The following PDE3B variants were observed in gnomAD, a reference collection of about 807,000 sequenced individuals.
The protein encoded by PDE3B is cGMP-inhibited 3',5'-cyclic phosphodiesterase 3B.
In PDE3B, 66 loss-of-function variants were observed where a neutral mutation model predicts 116.8. The observed-to-expected ratio is 0.56, with a 90% CI of 0.46 to 0.69. The LOEUF (loss-of-function observed/expected upper bound fraction) is 0.69, where lower values mean the gene tolerates loss of function less well. Ranked by LOEUF, PDE3B falls within the 30% of genes least tolerant of loss-of-function variation. The pLI is 0.00. For missense variants in PDE3B, 1,384 were observed against 1,368.1 expected, an observed-to-expected ratio of 1.01 and a Z score of -0.18; for synonymous variants, 595 against 533.6, an observed-to-expected ratio of 1.12 and a Z score of -1.59.
At chr11:14,751,145 G>T (rs1399012493) in intron 1 of PDE3B, among the ~76,000 whole-genome samples, 2 of 152,086 alleles carry the variant, frequency 1.3e-5, no homozygotes, top group East Asian at 3.9e-4. Context: ...TATGCAAGCT[G>T]CCTGGCACTG....
At chr11:14,751,443 C>T (rs1261422339) in intron 1 of PDE3B, among the ~76,000 whole-genome samples, 1 of 152,188 alleles carries the variant, frequency 6.6e-6, no homozygotes, top group Non-Finnish European at 1.5e-5. Flanking sequence ...GAAATTGTCA[C>T]TCATTTTTCT....
At chr11:14,849,617 C>T (rs200222388) in intron 12 of PDE3B, among the ~76,000 whole-genome samples, 3 of 152,180 alleles carry the variant, frequency 2.0e-5, no homozygotes, top group African/African-American at 7.2e-5. Flanking sequence ...CCAGAATCTA[C>T]AATGAACTCA....
intron 1 of PDE3B, among the ~76,000 whole-genome samples, chr11:14,755,819 C>G (rs1857166731): frequency 6.6e-6 from 1 of 152,106 alleles, no homozygotes; most frequent in Non-Finnish European, 1.5e-5. Context: ...GCATTAAAGT[C>G]TAAAATATTT....
chr11:14,797,023 C>G (rs1407864823), intron 4 of PDE3B, among the ~76,000 whole-genome samples: 1 of 152,140 alleles, frequency 6.6e-6, no homozygotes, highest in African/African-American at 2.4e-5. Flanking sequence ...TTTAATCCAT[C>G]TTCAGTTAAT....
the PDE3B span, chr11:14,879,199 T>C: frequency 6.2e-7 from 1 of 1,613,256 alleles, no homozygotes; most frequent in Non-Finnish European, 8.5e-7. Context: ...CTTCTGGGTC[T>C]CTCCAGTACT....
At chr11:14,772,763 A>G (rs1467410105) in intron 2 of PDE3B, 1 of 151,358 alleles carries the variant, frequency 6.6e-6, no homozygotes, top group East Asian at 1.9e-4. Flanking sequence ...AAAAAAGGAA[A>G]ATCACTCATA....
chr11:14,745,325 A>T (rs1395632091), intron 1 of PDE3B, among the ~76,000 whole-genome samples: 1 of 152,220 alleles, frequency 6.6e-6, no homozygotes, highest in Non-Finnish European at 1.5e-5. Flanking sequence ...GTATCTGGAT[A>T]ATCACTTATT....
intron 1 of PDE3B, among the ~76,000 whole-genome samples, chr11:14,725,307 TTC>T (rs760849298): frequency 1.7e-4 from 19 of 111,586 alleles, no homozygotes; most frequent in African/African-American, 3.1e-4. Flanking sequence ...CTTTCTTTCT[TTC>T]TCTTTCTTTC....
At chr11:14,704,941 A>T (rs574969760) in intron 1 of PDE3B, among the ~76,000 whole-genome samples, 1 of 151,810 alleles carries the variant, frequency 6.6e-6, no homozygotes, top group South Asian at 2.1e-4. Context: ...AACATAGGAA[A>T]AATATTTATA....
chr11:14,879,010 G>T, the PDE3B span: 1 of 909,214 alleles, frequency 1.1e-6, no homozygotes, highest in Non-Finnish European at 1.8e-6. Flanking sequence ...TTTTAGAATT[G>T]GGATATTTAA....
intron 4 of PDE3B, among the ~76,000 whole-genome samples, chr11:14,794,458 C>G (rs931544133): frequency 2.6e-5 from 4 of 151,990 alleles, no homozygotes; most frequent in Non-Finnish European, 4.4e-5. Context: ...GGACTACAGG[C>G]ACATGCCACC....
At chr11:14,800,280 C>T (rs772033858) in intron 4 of PDE3B, among the ~76,000 whole-genome samples, 15 of 152,140 alleles carry the variant, frequency 9.9e-5, no homozygotes, top group Non-Finnish European at 1.5e-4. Context: ...GCCTGACCAA[C>T]GTGGTGAAAC....
the PDE3B span, among the ~76,000 whole-genome samples, chr11:14,897,064 A>G: frequency 2.0e-5 from 3 of 152,234 alleles, no homozygotes; most frequent in Non-Finnish European, 4.4e-5. Context: ...ACACATCTCA[A>G]AGTCTGAGAG....
At chr11:14,796,577 G>A (rs1044381705) in intron 4 of PDE3B, among the ~76,000 whole-genome samples, 2 of 152,172 alleles carry the variant, frequency 1.3e-5, no homozygotes, top group African/African-American at 4.8e-5. Context: ...GGCATGAGAT[G>A]GTATCTCATT....
intron 1 of PDE3B, among the ~76,000 whole-genome samples, chr11:14,683,535 C>T (rs1854777266): frequency 6.6e-6 from 1 of 151,512 alleles, no homozygotes; most frequent in African/African-American, 2.4e-5. Flanking sequence ...CTCTTTTATT[C>T]TTGTTATTGG....
chr11:14,891,652 C>A, the PDE3B span: 2 of 1,155,526 alleles, frequency 1.7e-6, no homozygotes, highest in East Asian at 1.2e-4. Context: ...CCACCCTGGA[C>A]CTGAAGTGGC....
chr11:14,644,202 C>A lies in PDE3B; in HGVS notation c.127C>A (p.Pro43Thr). 1 of 1,596,092 alleles carries A rather than the reference C, an allele frequency of 6.3e-7. No individual in the cohort carries two copies. The highest frequency in any genetic ancestry group is 8.5e-7 in the Non-Finnish European group (1 of 1,177,410). Residue 43 changes from proline to threonine, a missense_variant, in exon 1 of 16, where the codon CCT becomes ACT. By Grantham distance (38) the Pro-to-Thr change is conservative. Coordinates refer to ENST00000282096, the MANE Select transcript of PDE3B (RefSeq NM_000922.4). ...CTGCGTGAGCCCCTTGCGGCAGGAC[C>A]CTCCGCGCGGCTTCTTCTTCCACCT... ...KSCVSPLRQD[P>T]PRGFFFHLCR... is the part of the protein sequence containing the mutation.
At chr11:14,752,011 G>T (rs1487758804) in intron 1 of PDE3B, among the ~76,000 whole-genome samples, 1 of 152,152 alleles carries the variant, frequency 6.6e-6, no homozygotes, top group Non-Finnish European at 1.5e-5. Context: ...TTTCAGGAAG[G>T]TTCACCACAA....
At chr11:14,759,387 A>G (rs1291448119) in intron 1 of PDE3B, among the ~76,000 whole-genome samples, 2 of 152,054 alleles carry the variant, frequency 1.3e-5, no homozygotes, top group South Asian at 2.1e-4. Context: ...TTTAAAGTAC[A>G]TTCTTTATCT....
Sources: gnomAD v4.1 joint callset for allele counts (sites outside exome capture counted in the v4.1 genomes callset) on GRCh38, gnomAD v4.1.1 for gene constraint, MANE v1.5 for transcripts, NCBI Gene and HGNC (gene_info 2026-07-23, HGNC 2026-07-21) for gene names.